The following SS18L2 variants were observed in gnomAD, a reference collection of about 807,000 sequenced individuals.
SS18L2 encodes the protein SS18-like protein 2.
In SS18L2, 8 loss-of-function variants were observed where a neutral mutation model predicts 10.3. The observed-to-expected ratio is 0.78, with a 90% confidence interval of 0.46 to 1.41. SS18L2 has a LOEUF of 1.41. Among genes scored for constraint, SS18L2 ranks in the 40% most tolerant of loss-of-function variants. The pLI is 0.00. For synonymous variants in SS18L2, 41 were observed against 34.6 expected, an observed-to-expected ratio of 1.19 and a Z score of -0.65; for missense variants, 100 against 96.2, an observed-to-expected ratio of 1.04 and a Z score of -0.17.
intron 2 of SS18L2, among the ~76,000 whole-genome samples, chr3:42,592,629 G>T (rs1240750119): frequency 6.6e-6 from 1 of 152,170 alleles, no homozygotes; most frequent in African/African-American, 2.4e-5. Context: ...AGAGATATCA[G>T]TTTTTGGGTA....
rs540543665 is a variant in SS18L2 at position 42,596,623 on chromosome 3, G to A, written c.*2114G>A. 6.6e-6 allele frequency among the ~76,000 whole-genome samples: 1 copy of A among 152,286 alleles called. No homozygotes were observed. Among genetic ancestry groups the A allele is most frequent in the South Asian group, 2.1e-4 (1 of 4,818 alleles). ...TAGCCCTAGGCCTGCCTTGTCCCAG[G>A]AGTTTCTTCACCTTAATCACAGACC... On this transcript the variant is annotated 3_prime_UTR_variant, in exon 3 of 3. Transcript: ENST00000011691.
At chr3:42,592,334 G>C (rs1388987716) in intron 2 of SS18L2, among the ~76,000 whole-genome samples, 1 of 151,982 alleles carries the variant, frequency 6.6e-6, no homozygotes, top group African/African-American at 2.4e-5. Flanking sequence ...TGAGTAGCTG[G>C]GACTACAGGC....
chr3:42,595,998 T>A lies in SS18L2; in HGVS notation c.*1489T>A, dbSNP rs1052028180. 6.6e-6 allele frequency among the ~76,000 whole-genome samples: 1 copy of A among 152,128 alleles called. No homozygotes were observed. The highest frequency in any genetic ancestry group is 2.4e-5 in the African/African-American group (1 of 41,436). On this transcript the variant is annotated 3_prime_UTR_variant, in exon 3 of 3. Transcript: ENST00000011691. ...GCTCTGGCTCTTTCTTTTTTCTTTT[T>A]CTTCTTTTTTTTGGTTTTGTTTTGT...
rs1389186789 is a variant in SS18L2, at chr3:42,596,575, G to A, written c.*2066G>A. Reference sequence around the variant, plus strand: ...ACCACTCTTGGAAGAGATGGAGGAGGTGTCAGTCATTTTGGTTGATACTAG... The same window carrying A: ...ACCACTCTTGGAAGAGATGGAGGAGATGTCAGTCATTTTGGTTGATACTAG... On this transcript the variant is annotated 3_prime_UTR_variant, in exon 3 of 3. Coordinates refer to ENST00000011691, the MANE Select transcript of SS18L2 (RefSeq NM_001370300.1). 6.6e-6 allele frequency among the ~76,000 whole-genome samples: 1 copy of A among 152,206 alleles called. No homozygotes were observed. Among genetic ancestry groups the A allele is most frequent in the Non-Finnish European group, 1.5e-5 (1 of 68,034 alleles).
At chr3:42,584,670 T>G (rs1704551926) in intron 1 of SS18L2, among the ~76,000 whole-genome samples, 1 of 152,208 alleles carries the variant, frequency 6.6e-6, no homozygotes, top group Non-Finnish European at 1.5e-5. Context: ...CAGTCTAAGA[T>G]AGCCTCCAGG....
upstream of SS18L2, among the ~76,000 whole-genome samples, chr3:42,588,051 C>T (rs1704681868): frequency 6.6e-6 from 1 of 151,232 alleles, no homozygotes; most frequent in Non-Finnish European, 1.5e-5. Context: ...CCAGCCTGGG[C>T]AACAAGAGTG....
intron 1 of SS18L2, chr3:42,582,015 C>G (rs531327421): frequency 6.6e-6 from 1 of 152,386 alleles, no homozygotes; most frequent in Non-Finnish European, 1.5e-5. Context: ...CCCTACCCCG[C>G]ATTCGCTGCT....
chr3:42,584,077 C>T (rs902939073), intron 1 of SS18L2, among the ~76,000 whole-genome samples: 13 of 152,166 alleles, frequency 8.5e-5, no homozygotes, highest in Admixed American at 7.9e-4. Context: ...TCTCAGCCTC[C>T]ATAACTATGT....
chr3:42,591,076 G>C, intron 1 of SS18L2, 110 bp downstream of exon 1: 1 of 1,254,004 alleles, frequency 8.0e-7, no homozygotes, highest in Non-Finnish European at 1.1e-6. Flanking sequence ...GACTGTGAAG[G>C]GTGCTGAGCA....
rs2125742345 is a variant in SS18L2, at chr3:42,594,306, G to A, written c.147-116G>A. 4 of 729,666 alleles carry A rather than the reference G, an allele frequency of 5.5e-6. No homozygotes were observed. The South Asian group carries it at 6.9e-5, about 13-fold the overall frequency. 45.2% of individuals were successfully genotyped at this position (729,666 alleles called of 1,614,324 possible). On this transcript the variant is annotated intron_variant, in intron 2 of 2. Coordinates refer to ENST00000011691, the MANE Select transcript of SS18L2 (RefSeq NM_001370300.1). ...GTTAAACAAGAAGGTTGATAACACTGAATCATCCAGTCAGTGGATGAGCCA... is the reference window on the plus strand; with the variant it reads ...GTTAAACAAGAAGGTTGATAACACTAAATCATCCAGTCAGTGGATGAGCCA...
chr3:42,586,375 A>T (rs191064369), upstream of SS18L2, among the ~76,000 whole-genome samples: 1 of 152,180 alleles, frequency 6.6e-6, no homozygotes, highest in African/African-American at 2.4e-5. Context: ...GGCCTGTGCC[A>T]CCATGCCTGG....
intron 1 of SS18L2, among the ~76,000 whole-genome samples, chr3:42,585,279 G>A (rs537630888): frequency 6.6e-6 from 1 of 152,292 alleles, no homozygotes; most frequent in South Asian, 2.1e-4. Flanking sequence ...TTGGACAACA[G>A]GGGTGAGATG....
At chr3:42,589,234 A>C (rs1704727618), upstream of SS18L2, among the ~76,000 whole-genome samples, 1 of 151,740 alleles carries the variant, frequency 6.6e-6, no homozygotes, top group East Asian at 1.9e-4. Flanking sequence ...ACACCACTGC[A>C]CTCCAGCCTG....
upstream of SS18L2, chr3:42,587,447 G>A (rs1704648830): frequency 6.6e-6 from 1 of 152,176 alleles, no homozygotes; most frequent in African/African-American, 2.4e-5. Flanking sequence ...AAACCAATCA[G>A]TCCAGGTGCG....
chr3:42,583,965 T>C lies in SS18L2; in HGVS notation c.-90+2007T>C, dbSNP rs908616173. Among the ~76,000 whole-genome samples the C allele has an allele frequency of 2.0e-5, 3 of 152,306 alleles. No homozygotes were observed. The South Asian group carries it at 6.2e-4, about 32-fold the overall frequency. ...TGGACTGGGAGATACACCATTCAGC[T>C]TCCCTGGTTCTGAGGCCAAGTCTAA... On this transcript the variant is annotated intron_variant, in intron 1 of 3. Transcript: ENST00000447630.
At chr3:42,593,507 C>T (rs988332538) in intron 2 of SS18L2, among the ~76,000 whole-genome samples, 4 of 152,066 alleles carry the variant, frequency 2.6e-5, no homozygotes, top group African/African-American at 7.2e-5. Flanking sequence ...GACTTGAGCT[C>T]GAGCATCCTC....
chr3:42,588,858 G>A (rs1381496157), upstream of SS18L2, among the ~76,000 whole-genome samples: 4 of 152,134 alleles, frequency 2.6e-5, no homozygotes, highest in Non-Finnish European at 5.9e-5. Context: ...TTTTCCTGAG[G>A]AGGAAGCCTG....
chr3:42,586,787 C>T (rs1311557702), upstream of SS18L2, among the ~76,000 whole-genome samples: 2 of 152,214 alleles, frequency 1.3e-5, no homozygotes, highest in East Asian at 3.8e-4. Context: ...GTATCTCCAA[C>T]CTAGCCTTTG....
chr3:42,590,348 C>T (rs1054359666), upstream of SS18L2, among the ~76,000 whole-genome samples: 12 of 152,152 alleles, frequency 7.9e-5, no homozygotes, highest in African/African-American at 2.7e-4. Context: ...GCCGAGCAAA[C>T]CGCTCCTGCA....
Sources: gnomAD v4.1 joint callset for allele counts (sites outside exome capture counted in the v4.1 genomes callset) on GRCh38, gnomAD v4.1.1 for gene constraint, MANE v1.5 for transcripts, NCBI Gene and HGNC (gene_info 2026-07-23, HGNC 2026-07-21) for gene names.